Variants in VPS13B observed in about 807,000 individuals in gnomAD.
VPS13B encodes intermembrane lipid transfer protein VPS13B.
Under a neutral mutation model 426.4 loss-of-function variants are expected in VPS13B, and 285 were observed. The ratio of observed to expected loss-of-function variants is 0.67; its 90% CI spans 0.61 to 0.74. VPS13B has a LOEUF of 0.74. VPS13B is among the 30% of genes least tolerant of loss of function. The pLI is 0.00. For missense variants in VPS13B, 4,537 were observed against 4,782.6 expected, an observed-to-expected ratio of 0.95 and a Z score of 1.51; for synonymous variants, 1,676 against 1,676.4, an observed-to-expected ratio of 1.00 and a Z score of 0.01.
At chr8:99,449,240 A>C (rs1269609457) in intron 23 of VPS13B, among the ~76,000 whole-genome samples, 1 of 152,230 alleles carries the variant, frequency 6.6e-6, no homozygotes, top group Non-Finnish European at 1.5e-5. Flanking sequence ...AAATCTGTAG[A>C]ATAACTCCGT....
rs185518121 is a variant in VPS13B at position 99,040,479 on chromosome 8, A to C, written c.291+1913A>C. 2.6e-4 allele frequency among the ~76,000 whole-genome samples: 39 copies of C among 152,318 alleles called. No homozygotes were observed. The East Asian group carries it at 6.9e-3, about 27-fold the overall frequency. ...ATTTGGACAAATTATTTAGCAGTGT[A>C]CACCTCTGGAGAGTAATGCTTGGGT... On this transcript the variant is annotated intron_variant, in intron 3 of 61. Transcript: ENST00000357162.
intron 39 of VPS13B, among the ~76,000 whole-genome samples, chr8:99,722,575 C>T (rs1047614980): frequency 8.0e-5 from 12 of 149,964 alleles, no homozygotes; most frequent in African/African-American, 4.9e-5. Flanking sequence ...GGCAAGATCT[C>T]GGCTCACTGC....
At chr8:99,163,314 C>A (rs924510137) in intron 15 of VPS13B, among the ~76,000 whole-genome samples, 1 of 152,268 alleles carries the variant, frequency 6.6e-6, no homozygotes, top group African/African-American at 2.4e-5. Flanking sequence ...CCCCACCAGA[C>A]TCAGGAGCCC....
intron 39 of VPS13B, among the ~76,000 whole-genome samples, chr8:99,723,615 G>A (rs1311454610): frequency 6.6e-6 from 1 of 152,072 alleles, no homozygotes; most frequent in Non-Finnish European, 1.5e-5. Context: ...AGGAGATCTG[G>A]AGTATGATGG....
At chr8:99,503,461 G>T (rs990640151) in intron 27 of VPS13B, among the ~76,000 whole-genome samples, 6 of 152,142 alleles carry the variant, frequency 3.9e-5, no homozygotes, top group African/African-American at 1.4e-4. Flanking sequence ...TTTCTCTGTA[G>T]CATGTGATGC....
chr8:99,623,459 GT>G (rs1004845593), intron 33 of VPS13B, among the ~76,000 whole-genome samples: 42 of 152,108 alleles, frequency 2.8e-4, no homozygotes, highest in African/African-American at 9.2e-4. Context: ...CACAAGGAGA[GT>G]TTTTTTGTTG....
rs73271355 is a variant in VPS13B, at chr8:99,696,841, G to C, written c.6047-2684G>C. On this transcript the variant is annotated intron_variant, in intron 35 of 61. Coordinates refer to ENST00000357162, the MANE Select transcript of VPS13B (RefSeq NM_152564.5). ...TGTCACGGCCGCAGCTGGTGGCGCCGTGCAAGCTGCTGGAGCTGCAGTCCA... is the reference window on the plus strand; with the variant it reads ...TGTCACGGCCGCAGCTGGTGGCGCCCTGCAAGCTGCTGGAGCTGCAGTCCA... 5 of 1,062,566 alleles carry C rather than the reference G, an allele frequency of 4.7e-6. No homozygotes were observed. The African/African-American group carries it at 7.8e-5, about 16-fold the overall frequency. The allele number at this position is 1,062,566 out of a possible 1,614,324, so 65.8% of individuals were successfully genotyped here.
chr8:99,407,433 C>T (rs1815391009), intron 21 of VPS13B, among the ~76,000 whole-genome samples: 1 of 152,032 alleles, frequency 6.6e-6, no homozygotes, highest in Non-Finnish European at 1.5e-5. Context: ...GTACGTTCTA[C>T]ATTATGATAC....
At chr8:99,875,335 A>G in intron 61 of VPS13B, 83 bp from the exon 62 acceptor site, 1 of 1,588,212 alleles carries the variant, frequency 6.3e-7, no homozygotes, top group Non-Finnish European at 8.6e-7. Context: ...TAATGTACAA[A>G]TATATCGAGG....
intron 35 of VPS13B, among the ~76,000 whole-genome samples, chr8:99,699,131 CTTTTTTTT>C (rs370004663): frequency 2.2e-5 from 2 of 90,560 alleles, no homozygotes; most frequent in Middle Eastern, 7.9e-3. Flanking sequence ...TAAGGAAAGT[CTTTTTTTT>C]TTTTTTTTTT....
chr8:99,139,514 T>C (rs1810275663), intron 12 of VPS13B, among the ~76,000 whole-genome samples: 1 of 150,690 alleles, frequency 6.6e-6, no homozygotes, highest in South Asian at 2.1e-4. Context: ...CTCGACTCAC[T>C]GCAAGCTCCG....
chr8:99,491,467 A>G (rs1235500665), intron 25 of VPS13B, among the ~76,000 whole-genome samples: 1 of 152,086 alleles, frequency 6.6e-6, no homozygotes, highest in Non-Finnish European at 1.5e-5. Context: ...TTCTAACTTG[A>G]TTCCATTTTC....
rs1439544672 is a variant in VPS13B at position 99,391,715 on chromosome 8, A to G, written c.3082+11A>G. On this transcript the variant is annotated intron_variant, in intron 21 of 61. Coordinates refer to ENST00000357162, the MANE Select transcript of VPS13B (RefSeq NM_152564.5). ...CAAAAACGGTAACAGGTATGTGTCA[A>G]GTACTGTAAAGGGACTATGATTGTA... 1 of 1,613,714 alleles carries G rather than the reference A, an allele frequency of 6.2e-7. No homozygotes were observed. The highest frequency in any genetic ancestry group is 1.7e-5 in the Admixed American group (1 of 59,948).
chr8:99,694,532 A>C (rs1831858173), intron 35 of VPS13B, among the ~76,000 whole-genome samples: 1 of 68,866 alleles, frequency 1.5e-5, no homozygotes, highest in Non-Finnish European at 2.9e-5. Flanking sequence ...CTTACACCTT[A>C]TACAAAAATC....
intron 33 of VPS13B, among the ~76,000 whole-genome samples, chr8:99,616,593 A>G (rs1172745480): frequency 6.6e-6 from 1 of 152,156 alleles, no homozygotes; most frequent in Non-Finnish European, 1.5e-5. Context: ...TTTGGGAGGC[A>G]GAGGTGGGCA....
At chr8:99,112,749 T>C (rs998566617) in intron 6 of VPS13B, among the ~76,000 whole-genome samples, 4 of 152,320 alleles carry the variant, frequency 2.6e-5, no homozygotes, top group Non-Finnish European at 5.9e-5. Context: ...TATAAAATAC[T>C]CTTTTTGATC....
At chr8:99,470,143 A>G (rs1175482344) in intron 24 of VPS13B, among the ~76,000 whole-genome samples, 1 of 152,178 alleles carries the variant, frequency 6.6e-6, no homozygotes. Flanking sequence ...GATAGAATGT[A>G]GAGGAACAGA....
chr8:99,817,465 CTGTT>C, intron 44 of VPS13B, 71 bp from the exon 45 acceptor site: 2 of 1,536,358 alleles, frequency 1.3e-6, no homozygotes, highest in East Asian at 2.3e-5. Flanking sequence ...ATAGTTTACT[CTGTT>C]TGAATGATAA....
intron 8 of VPS13B, 68 bp from the exon 9 acceptor site, chr8:99,134,564 C>A: frequency 1.6e-6 from 2 of 1,258,662 alleles, no homozygotes; most frequent in South Asian, 1.4e-5. Context: ...ATCAATTAAT[C>A]ATCATAATGA....
Sources: allele counts gnomAD v4.1 joint callset (sites outside exome capture counted in the v4.1 genomes callset), GRCh38; gene constraint gnomAD v4.1.1; transcripts MANE v1.5; gene names NCBI Gene and HGNC (gene_info 2026-07-23, HGNC 2026-07-21).